PRRX1: variants seen among roughly 807,000 people sequenced by gnomAD.
PRRX1 encodes the protein paired related homeobox 1.
A neutral mutation model predicts 24.0 loss-of-function variants in PRRX1; 8 were observed. That is an observed-to-expected ratio of 0.33 (90% CI 0.20 to 0.60). The LOEUF is 0.60. Ranked by LOEUF, PRRX1 falls within the 20% of genes least tolerant of loss-of-function variation. The probability of loss-of-function intolerance (pLI) is 0.82; values close to 1 mark genes in which losing one functional copy is unlikely to be tolerated. For synonymous variants in PRRX1, 160 were observed against 131.7 expected (o/e 1.22, Z -1.47); for missense variants, 281 against 322.4 (o/e 0.87, Z 0.98).
rs555593551 is a variant in PRRX1, at chr1:170,719,757, G to A, written c.273G>A (p.Lys91=). 1.9e-5 allele frequency: 30 copies of A among 1,614,220 alleles called. No individual in the cohort carries two copies. Among genetic ancestry groups the A allele is most frequent in the African/African-American group, 1.3e-5 (1 of 75,058 alleles). ...AGCTGAACTCAGAAGAAAAAAAGAA[G>A]AGAAAGCAGCGAAGGAATAGGACAA... is the stretch of plus-strand genomic sequence containing the variant. ...NDQLNSEEKK[K]RKQRRNRTTF... Residue 91 remains lysine (K), a synonymous_variant, in exon 2 of 4, where the codon AAG becomes AAA. Coordinates refer to ENST00000239461, the MANE Select transcript of PRRX1 (RefSeq NM_022716.4).
At chr1:170,666,286 C>T (rs1652925483) in intron 1 of PRRX1, among the ~76,000 whole-genome samples, 1 of 151,662 alleles carries the variant, frequency 6.6e-6, no homozygotes, top group Admixed American at 6.6e-5. Flanking sequence ...GGCGTAGTGC[C>T]GAGCGCCTGT....
At chr1:170,675,643 C>T (rs1653296340) in intron 1 of PRRX1, among the ~76,000 whole-genome samples, 1 of 151,954 alleles carries the variant, frequency 6.6e-6, no homozygotes, top group Non-Finnish European at 1.5e-5. Flanking sequence ...GTGCATTTAC[C>T]CAGACATGAG....
chr1:170,664,568 C>T (rs563541673), intron 1 of PRRX1, 109 bp downstream of exon 1: 1 of 1,449,904 alleles, frequency 6.9e-7, no homozygotes, highest in African/African-American at 1.4e-5. Context: ...GTCCTGGGAC[C>T]AGGAGAGGTG....
rs147602906 is a variant in PRRX1, at chr1:170,703,706, A to G, written c.242-16020A>G. Among the ~76,000 whole-genome samples, 1,119 of 152,288 alleles carry G rather than the reference A, an allele frequency of 7.3e-3. 10 individuals are homozygous for G. Among genetic ancestry groups the G allele is most frequent in the African/African-American group, 0.026 (1,079 of 41,564 alleles). On this transcript the variant is annotated intron_variant, in intron 1 of 3. Transcript: ENST00000239461. ...TTTCAGAACTTGGGCTCTGTAGCCA[A>G]ACTACCAGATATCAGCTGCATGCCC...
At chr1:170,708,449 G>A (rs537825740) in intron 1 of PRRX1, among the ~76,000 whole-genome samples, 8 of 152,086 alleles carry the variant, frequency 5.3e-5, no homozygotes, top group Non-Finnish European at 7.3e-5. Flanking sequence ...TAATGTTCCT[G>A]TATATTGGAG....
At position 170,726,389 on chromosome 1, in the gene PRRX1, C is replaced by T. The variant is rs765116280; in HGVS notation, c.587C>T (p.Ala196Val). 2 of 1,613,832 alleles carry T rather than the reference C, an allele frequency of 1.2e-6. No homozygotes were observed. The highest frequency in any genetic ancestry group is 2.2e-5 in the East Asian group (1 of 44,870). ...RPTDYLSWGTASPYSAMATYS... is the reference protein window; with the variant it reads ...RPTDYLSWGTVSPYSAMATYS... Reference sequence around the variant, plus strand: ...ACCGATTATCTCTCCTGGGGGACAGCGTCTCCGTACAGGTGAATGACTGGC... The same window carrying T: ...ACCGATTATCTCTCCTGGGGGACAGTGTCTCCGTACAGGTGAATGACTGGC... The change falls in exon 3 of 4, where the codon GCG (alanine) becomes GTG (valine). Residue 196 changes from alanine to valine, a missense_variant. Transcript: ENST00000239461.
At chr1:170,697,924 A>T (rs1276565770) in intron 1 of PRRX1, among the ~76,000 whole-genome samples, 1 of 150,786 alleles carries the variant, frequency 6.6e-6, no homozygotes, top group African/African-American at 2.4e-5. Flanking sequence ...GTATTATTAA[A>T]AGGCCTTTAT....
chr1:170,735,776 T>C (rs1387652252), intron 3 of PRRX1, among the ~76,000 whole-genome samples: 1 of 152,124 alleles, frequency 6.6e-6, no homozygotes. Flanking sequence ...CAGAAATAAA[T>C]CATTACTCAC....
intron 1 of PRRX1, among the ~76,000 whole-genome samples, chr1:170,688,355 T>A (rs1238421022): frequency 6.6e-6 from 1 of 152,114 alleles, no homozygotes; most frequent in Admixed American, 6.6e-5. Context: ...TTTTTCTATT[T>A]TTCTTAAAAA....
At chr1:170,683,718 T>C (rs1351729186) in intron 1 of PRRX1, among the ~76,000 whole-genome samples, 1 of 152,244 alleles carries the variant, frequency 6.6e-6, no homozygotes, top group Non-Finnish European at 1.5e-5. Flanking sequence ...AGCAGCTCTT[T>C]GTAATTTAGC....
In PRRX1 at chr1:170,737,220, C is replaced by T. The variant is rs1011746269; in HGVS notation, c.*1034C>T. On this transcript the variant is annotated 3_prime_UTR_variant, in exon 4 of 4. Coordinates refer to ENST00000239461, the MANE Select transcript of PRRX1 (RefSeq NM_022716.4). ...TAAGTTTGCAATTTCCCAAACAATA[C>T]AAAAAGCAAATTACACACCCTCACC... 1 of 175,370 alleles carries T rather than the reference C, an allele frequency of 5.7e-6. No homozygotes were observed. Among genetic ancestry groups the T allele is most frequent in the African/African-American group, 2.4e-5 (1 of 41,838 alleles). The allele number at this position is 175,370 out of a possible 1,614,324, so 10.9% of individuals were successfully genotyped here.
intron 3 of PRRX1, 109 bp from the exon 4 acceptor site, chr1:170,735,939 T>C (rs527446676): frequency 6.8e-7 from 1 of 1,471,076 alleles, no homozygotes; most frequent in Admixed American, 1.7e-5. Context: ...GTCCAAGCCA[T>C]TGCCCCTGCC....
chr1:170,712,104 T>A (rs1245299565), intron 1 of PRRX1, among the ~76,000 whole-genome samples: 1 of 152,184 alleles, frequency 6.6e-6, no homozygotes, highest in African/African-American at 2.4e-5. Context: ...TTTCCTGTCT[T>A]TTTTTCTGAA....
chr1:170,722,385 T>C (rs981677337), intron 2 of PRRX1, among the ~76,000 whole-genome samples: 2 of 152,234 alleles, frequency 1.3e-5, no homozygotes, highest in Non-Finnish European at 2.9e-5. Context: ...CCTCTTTTTT[T>C]CCTCATACAC....
chr1:170,667,548 G>A (rs920953655), intron 1 of PRRX1: 2 of 152,174 alleles, frequency 1.3e-5, no homozygotes, highest in African/African-American at 4.8e-5. Context: ...TGAGCTACTT[G>A]GAAGTCAGGA....
intron 1 of PRRX1, among the ~76,000 whole-genome samples, chr1:170,690,124 C>G (rs958313759): frequency 2.6e-5 from 2 of 75,772 alleles, no homozygotes; most frequent in Non-Finnish European, 7.1e-5. Context: ...CTCCTCCCCT[C>G]CCCCCCCATT....
intron 1 of PRRX1, among the ~76,000 whole-genome samples, chr1:170,666,402 A>G (rs1164955793): frequency 8.2e-6 from 1 of 122,110 alleles, no homozygotes; most frequent in Non-Finnish European, 1.6e-5. Context: ...TGGATGACAG[A>G]GTGAGACTCC....
intron 2 of PRRX1, among the ~76,000 whole-genome samples, chr1:170,720,549 C>T (rs759036177): frequency 6.6e-6 from 1 of 152,182 alleles, no homozygotes. Context: ...GTATTTTACT[C>T]TGCACCCTTA....
At chr1:170,717,922 T>A (rs1347907404) in intron 1 of PRRX1, among the ~76,000 whole-genome samples, 1 of 152,024 alleles carries the variant, frequency 6.6e-6, no homozygotes, top group African/African-American at 2.4e-5. Flanking sequence ...TCTCAAAAAT[T>A]ATTATTAAAT....
Sources: allele counts gnomAD v4.1 joint callset (sites outside exome capture counted in the v4.1 genomes callset), GRCh38; gene constraint gnomAD v4.1.1; transcripts MANE v1.5; gene names NCBI Gene and HGNC (gene_info 2026-07-23, HGNC 2026-07-21).